Variants in FAT3 observed in about 807,000 individuals in gnomAD.
FAT3 encodes the protein protocadherin Fat 3.
In FAT3, 95 loss-of-function variants were observed where a neutral mutation model predicts 310.2. The ratio of observed to expected loss-of-function variants is 0.31; its 90% CI spans 0.26 to 0.36. FAT3 has a LOEUF of 0.36. FAT3 is among the 10% of genes least tolerant of loss of function. The pLI is 1.00. For missense variants in FAT3, 5,408 were observed against 5,715.6 expected, an observed-to-expected ratio of 0.95 and a Z score of 1.74; for synonymous variants, 2,314 against 2,192.9, an observed-to-expected ratio of 1.06 and a Z score of -1.54.
At chr11:92,731,179 T>C (rs1455732283) in intron 4 of FAT3, among the ~76,000 whole-genome samples, 3 of 152,222 alleles carry the variant, frequency 2.0e-5, no homozygotes, top group Non-Finnish European at 4.4e-5. Context: ...AGTTCATTGA[T>C]GTTTTGCTTT....
chr11:92,641,814 A>G (rs1167783196), intron 3 of FAT3, among the ~76,000 whole-genome samples: 1 of 152,304 alleles, frequency 6.6e-6, no homozygotes, highest in Admixed American at 6.5e-5. Flanking sequence ...TTGTCACTTT[A>G]TCATTTATGT....
chr11:92,349,711 A>T (rs1948512876), intron 1 of FAT3, among the ~76,000 whole-genome samples: 1 of 152,200 alleles, frequency 6.6e-6, no homozygotes, highest in South Asian at 2.1e-4. Flanking sequence ...TGTTCCACTT[A>T]CTTAGCATAT....
At chr11:92,510,428 C>G (rs947312932) in intron 2 of FAT3, among the ~76,000 whole-genome samples, 14 of 152,114 alleles carry the variant, frequency 9.2e-5, no homozygotes, top group African/African-American at 3.4e-4. Flanking sequence ...GAGAGAAAAA[C>G]AGAGTGCAAG....
At position 92,882,767 on chromosome 11, in the gene FAT3, G is replaced by T. The variant is rs1310916962; in HGVS notation, c.12311G>T (p.Arg4104Leu). 6.2e-7 allele frequency: 1 copy of T among 1,610,578 alleles called. No individual in the cohort carries two copies. The highest frequency in any genetic ancestry group is 8.5e-7 in the Non-Finnish European group (1 of 1,178,538). The change falls in exon 24 of 28, where the codon CGA (arginine) becomes CTA (leucine). Residue 4104 changes from arginine to leucine, a missense_variant. This residue lies in a region of FAT3 where 649 missense variants were observed against 666.2 expected (regional missense o/e 0.97). Transcript: ENST00000525166. ...GAGGAGGACATCAATGAGTGCGAAC[G>T]AGAGGAGTGTGAGAACGGAGGCTCC... is the stretch of plus-strand genomic sequence containing the variant. ...TCEEDINECE[R>L]EECENGGSCV...
At chr11:92,530,448 G>A (rs1954028115) in intron 3 of FAT3, among the ~76,000 whole-genome samples, 1 of 152,066 alleles carries the variant, frequency 6.6e-6, no homozygotes, top group African/African-American at 2.4e-5. Flanking sequence ...AGGTTTGAGA[G>A]TTAATTCAGT....
At chr11:92,357,678 G>T (rs1011663687) in intron 2 of FAT3, among the ~76,000 whole-genome samples, 1 of 151,796 alleles carries the variant, frequency 6.6e-6, no homozygotes, top group African/African-American at 2.4e-5. Context: ...CCATACTGAG[G>T]TTTTTTTCTT....
Position 92,643,897 on chromosome 11 carries a change from C to T in FAT3, c.3608-53487C>T, listed in dbSNP as rs139609889. Among the ~76,000 whole-genome samples, 464 of 152,354 alleles carry T rather than the reference C, an allele frequency of 3.0e-3. 8 individuals carry two copies. Among genetic ancestry groups the T allele is most frequent in the Non-Finnish European group, 3.1e-4 (21 of 68,036 alleles). The stretch of plus-strand genomic sequence containing the variant: ...ACATCTGAACTTGCACAAATTGCCT[C>T]ATGTGATTTATCACACTAAGTAGAT... On this transcript the variant is annotated intron_variant, in intron 3 of 27. Coordinates refer to ENST00000525166, the MANE Select transcript of FAT3 (RefSeq NM_001367949.2).
At chr11:92,384,890 G>C (rs924959489) in intron 2 of FAT3, among the ~76,000 whole-genome samples, 1 of 152,162 alleles carries the variant, frequency 6.6e-6, no homozygotes, top group South Asian at 2.1e-4. Flanking sequence ...CATAAAGCTT[G>C]CTTCCACGGA....
At chr11:92,728,321 T>G (rs1392693719) in intron 4 of FAT3, among the ~76,000 whole-genome samples, 3 of 152,144 alleles carry the variant, frequency 2.0e-5, no homozygotes, top group Non-Finnish European at 1.5e-5. Context: ...AAAAGATAAA[T>G]GAAAGACGGG....
intron 1 of FAT3, among the ~76,000 whole-genome samples, chr11:92,321,963 T>C (rs1280158437): frequency 6.6e-6 from 1 of 152,044 alleles, no homozygotes; most frequent in Non-Finnish European, 1.5e-5. Context: ...GCCATGAACA[T>C]TGAGATTATA....
Position 92,418,306 on chromosome 11 carries a change from C to T in FAT3, c.3292+62902C>T, listed in dbSNP as rs573067952. Among the ~76,000 whole-genome samples the T allele has an allele frequency of 3.3e-5, 5 of 151,694 alleles. No homozygotes were observed. In the South Asian group the frequency reaches 8.4e-4, roughly 25 times the overall value. ...AGTGAATGCATTTTAGGTAATGGTCCCCTTAGACCTTAAAGAAGCCAACTT... is the reference window on the plus strand; with the variant it reads ...AGTGAATGCATTTTAGGTAATGGTCTCCTTAGACCTTAAAGAAGCCAACTT... On this transcript the variant is annotated intron_variant, in intron 2 of 27. Transcript: ENST00000525166.
intron 1 of FAT3, among the ~76,000 whole-genome samples, chr11:92,311,751 A>T (rs748844278): frequency 6.6e-6 from 1 of 152,156 alleles, no homozygotes; most frequent in Non-Finnish European, 1.5e-5. Flanking sequence ...GAATAGGTAG[A>T]GTAGGGCCCA....
intron 17 of FAT3, among the ~76,000 whole-genome samples, chr11:92,840,165 CAT>C (rs1380668542): frequency 2.0e-5 from 3 of 152,174 alleles, no homozygotes; most frequent in African/African-American, 7.2e-5. Flanking sequence ...TGTGTTGTGA[CAT>C]GTGTGTGTGA....
chr11:92,423,647 G>A (rs187957091), intron 2 of FAT3, among the ~76,000 whole-genome samples: 125 of 152,222 alleles, frequency 8.2e-4, no homozygotes, highest in African/African-American at 2.4e-3. Context: ...CTCAGCATCC[G>A]TATCTACCTA....
Position 92,352,260 on chromosome 11 carries a change from G to T in FAT3, c.148G>T (p.Ala50Ser). 1 of 1,425,684 alleles carries T rather than the reference G, an allele frequency of 7.0e-7. No homozygotes were observed. The highest frequency in any genetic ancestry group is 9.4e-7 in the Non-Finnish European group (1 of 1,060,650). 88.3% of individuals were successfully genotyped at this position (1,425,684 alleles called of 1,614,324 possible). A position where few individuals can be genotyped will look rare whatever the true frequency, so the allele number is the denominator to read the frequency against. ...CCACTTCACACATTCCATTTATAAT[G>T]CTACCGTGTATGAGAACTCAGCAGC... ...GFHFTHSIYN[A>S]TVYENSAART... The change falls in exon 2 of 28, where the codon GCT becomes TCT. Residue 50 changes from alanine to serine, a missense_variant. Physicochemically the swap from Ala to Ser is moderately conservative, Grantham distance 99. Transcript: ENST00000525166.
chr11:92,615,701 A>C (rs1281999101), intron 3 of FAT3, among the ~76,000 whole-genome samples: 6 of 152,178 alleles, frequency 3.9e-5, no homozygotes, highest in African/African-American at 1.4e-4. Context: ...GGTTTCAAAG[A>C]ACATCTTTAT....
chr11:92,602,567 C>T (rs1940081988), intron 3 of FAT3, among the ~76,000 whole-genome samples: 1 of 152,222 alleles, frequency 6.6e-6, no homozygotes, highest in Non-Finnish European at 1.5e-5. Context: ...AGTGTTCTAT[C>T]TCCCTGCAGC....
intron 3 of FAT3, among the ~76,000 whole-genome samples, chr11:92,576,032 A>G (rs1228002296): frequency 6.6e-6 from 1 of 152,194 alleles, no homozygotes; most frequent in Non-Finnish European, 1.5e-5. Context: ...GAGTTTAAAA[A>G]TGTGTGCTGT....
chr11:92,381,453 C>T (rs1314395863), intron 2 of FAT3, among the ~76,000 whole-genome samples: 1 of 152,130 alleles, frequency 6.6e-6, no homozygotes, highest in African/African-American at 2.4e-5. Flanking sequence ...GCGGAGGTTG[C>T]AATGAGCCAA....
Sources: allele counts gnomAD v4.1 joint callset (sites outside exome capture counted in the v4.1 genomes callset), GRCh38; gene constraint gnomAD v4.1.1; regional missense constraint gnomAD v4.1.1; transcripts MANE v1.5; gene names NCBI Gene and HGNC (gene_info 2026-07-23, HGNC 2026-07-21).